HDAC9: variants seen among roughly 807,000 people sequenced by gnomAD.
HDAC9 encodes histone deacetylase 9, also known as MEF-2 interacting transcription repressor (MITR) protein.
Under a neutral mutation model 139.4 loss-of-function variants are expected in HDAC9, and 41 were observed. That is an observed-to-expected ratio of 0.29 (90% CI 0.23 to 0.38). HDAC9 has a LOEUF of 0.38. Ranked by LOEUF, HDAC9 falls within the 10% of genes least tolerant of loss-of-function variation. The pLI, the probability that HDAC9 is intolerant of heterozygous loss-of-function variation, is 1.00. For missense variants in HDAC9, 1,147 were observed against 1,297.0 expected (o/e 0.88, Z 1.78); for synonymous variants, 517 against 476.2 (o/e 1.09, Z -1.12).
At chr7:18,672,393 T>C (rs1795724259) in intron 12 of HDAC9, among the ~76,000 whole-genome samples, 1 of 152,094 alleles carries the variant, frequency 6.6e-6, no homozygotes, top group Non-Finnish European at 1.5e-5. Context: ...CATTTTCTAG[T>C]TGGCTTGCTT....
chr7:18,865,070 A>T (rs1380224898), intron 21 of HDAC9, among the ~76,000 whole-genome samples: 1 of 152,132 alleles, frequency 6.6e-6, no homozygotes, highest in African/African-American at 2.4e-5. Flanking sequence ...AACAACAACA[A>T]CAAAATTTGC....
At chr7:18,263,911 G>A (rs190305173) in intron 2 of HDAC9, among the ~76,000 whole-genome samples, 16 of 152,222 alleles carry the variant, frequency 1.1e-4, no homozygotes, top group Admixed American at 7.2e-4. Context: ...AAGCCACCAC[G>A]TGGGCCTGGC....
At chr7:18,219,195 T>G (rs1721886617) in intron 2 of HDAC9, among the ~76,000 whole-genome samples, 1 of 152,156 alleles carries the variant, frequency 6.6e-6, no homozygotes, top group Admixed American at 6.5e-5. Flanking sequence ...TATGTAGTAT[T>G]TTTCTTCTTG....
At chr7:18,492,003 A>C (rs1796405570), upstream of HDAC9, among the ~76,000 whole-genome samples, 1 of 152,002 alleles carries the variant, frequency 6.6e-6, no homozygotes, top group Non-Finnish European at 1.5e-5. Flanking sequence ...TGGCTCCCGT[A>C]AGTCTCTCCT....
At chr7:18,808,366 G>A (rs761424185) in intron 17 of HDAC9, 2 of 152,152 alleles carry the variant, frequency 1.3e-5, no homozygotes, top group African/African-American at 4.8e-5. Flanking sequence ...ATCCAAATTA[G>A]AAAGAAAGTA....
At chr7:18,928,959 T>C (rs968185463) in intron 22 of HDAC9, among the ~76,000 whole-genome samples, 5 of 152,084 alleles carry the variant, frequency 3.3e-5, no homozygotes, top group East Asian at 1.9e-4. Flanking sequence ...GCAATAATTT[T>C]GGTTTTTTAA....
At chr7:18,698,423 C>G (rs1464882773) in intron 12 of HDAC9, among the ~76,000 whole-genome samples, 2 of 152,166 alleles carry the variant, frequency 1.3e-5, no homozygotes, top group East Asian at 3.8e-4. Flanking sequence ...ATGCTTAACT[C>G]AATATCTAAT....
At chr7:18,817,303 G>C (rs997405530) in intron 17 of HDAC9, among the ~76,000 whole-genome samples, 1 of 151,906 alleles carries the variant, frequency 6.6e-6, no homozygotes, top group Non-Finnish European at 1.5e-5. Context: ...CAAAGTGCTG[G>C]GTTTACAGGC....
chr7:18,154,961 A>C (rs1465249541), intron 1 of HDAC9, among the ~76,000 whole-genome samples: 1 of 152,202 alleles, frequency 6.6e-6, no homozygotes, highest in Non-Finnish European at 1.5e-5. Flanking sequence ...CTCCTGCTGC[A>C]CAGGTATCAG....
At chr7:18,499,929 T>C (rs1395975921) in intron 2 of HDAC9, among the ~76,000 whole-genome samples, 8 of 152,154 alleles carry the variant, frequency 5.3e-5, no homozygotes. Context: ...AAAAGCAGAA[T>C]CTAATTATGA....
chr7:18,283,386 T>A (rs1797230980), intron 2 of HDAC9, among the ~76,000 whole-genome samples: 1 of 152,120 alleles, frequency 6.6e-6, no homozygotes, highest in Admixed American at 6.5e-5. Flanking sequence ...CACCAATATG[T>A]GAGGATTACA....
chr7:18,267,206 ATATGT>A (rs1796059087), intron 2 of HDAC9, among the ~76,000 whole-genome samples: 1 of 152,106 alleles, frequency 6.6e-6, no homozygotes, highest in South Asian at 2.1e-4. Context: ...ATAATGTATA[ATATGT>A]TGTTTTGAAA....
Position 18,744,281 on chromosome 7 carries a change from C to T in HDAC9, c.1910-4724C>T, listed in dbSNP as rs546224875. ...TGCTGGGATTAGAGGCGTGAGCCAC[C>T]GCGCCCGGCCTTTACTACTAGATTT... On this transcript the variant is annotated intron_variant, in intron 13 of 25. Coordinates refer to ENST00000686413, the MANE Select transcript of HDAC9 (RefSeq NM_178425.4). Among the ~76,000 whole-genome samples the T allele has an allele frequency of 3.9e-4, 59 of 152,178 alleles. 1 individual carries two copies. The highest frequency in any genetic ancestry group is 3.4e-3 in the Middle Eastern group (1 of 294).
At chr7:18,759,354 C>G (rs1053351027) in intron 14 of HDAC9, among the ~76,000 whole-genome samples, 11 of 152,060 alleles carry the variant, frequency 7.2e-5, no homozygotes, top group African/African-American at 2.7e-4. Context: ...GCTTGCATTA[C>G]CGTCTGAGAA....
At chr7:18,522,983 A>C (rs933118906) in intron 2 of HDAC9, among the ~76,000 whole-genome samples, 3 of 152,190 alleles carry the variant, frequency 2.0e-5, no homozygotes, top group Non-Finnish European at 4.4e-5. Flanking sequence ...TGGAGGAAAA[A>C]GGCAAAGTAA....
At chr7:18,605,787 T>G (rs949874046) in intron 6 of HDAC9, among the ~76,000 whole-genome samples, 1 of 152,102 alleles carries the variant, frequency 6.6e-6, no homozygotes, top group Non-Finnish European at 1.5e-5. Flanking sequence ...TTCACGCTAT[T>G]CTCCTGCCTC....
chr7:18,530,034 G>T (rs567357806), intron 2 of HDAC9, among the ~76,000 whole-genome samples: 37 of 152,108 alleles, frequency 2.4e-4, no homozygotes, highest in African/African-American at 7.5e-4. Flanking sequence ...AATTTGGGGG[G>T]GTGTGGCAGG....
intron 1 of HDAC9, among the ~76,000 whole-genome samples, chr7:18,433,796 C>T (rs1039443618): frequency 6.6e-6 from 1 of 152,178 alleles, no homozygotes; most frequent in Non-Finnish European, 1.5e-5. Context: ...GAAAAGCATT[C>T]CATGCTCATT....
intron 2 of HDAC9, among the ~76,000 whole-genome samples, chr7:18,192,758 C>A (rs1421480009): frequency 1.3e-5 from 2 of 152,228 alleles, no homozygotes; most frequent in Admixed American, 6.5e-5. Flanking sequence ...GGCTAAAATA[C>A]AACATGCCAG....
Sources: allele counts gnomAD v4.1 joint callset (sites outside exome capture counted in the v4.1 genomes callset), GRCh38; gene constraint gnomAD v4.1.1; transcripts MANE v1.5; gene names NCBI Gene and HGNC (gene_info 2026-07-23, HGNC 2026-07-21).